Variants in CBFA2T2 observed in about 807,000 individuals in gnomAD.
CBFA2T2 encodes CBFA2/RUNX1 partner transcriptional co-repressor 2.
Under a neutral mutation model 62.2 loss-of-function variants are expected in CBFA2T2, and 11 were observed. The ratio of observed to expected loss-of-function variants is 0.18; its 90% CI spans 0.11 to 0.29. The LOEUF is 0.29. CBFA2T2 is among the 10% of genes least tolerant of loss of function. The probability of loss-of-function intolerance (pLI) is 1.00; values close to 1 mark genes in which losing one functional copy is unlikely to be tolerated. For missense variants in CBFA2T2, 592 were observed against 774.1 expected, an observed-to-expected ratio of 0.76 and a Z score of 2.79; for synonymous variants, 295 against 287.5, an observed-to-expected ratio of 1.03 and a Z score of -0.27.
At chr20:33,598,638 A>G (rs1192232026) in intron 1 of CBFA2T2, among the ~76,000 whole-genome samples, 1 of 152,210 alleles carries the variant, frequency 6.6e-6, no homozygotes, top group Non-Finnish European at 1.5e-5. Flanking sequence ...TCCTGAGGCG[A>G]TATACATCCT....
At chr20:33,619,692 G>T (rs989393032) in intron 4 of CBFA2T2, 86 bp downstream of exon 4, 4 of 932,482 alleles carry the variant, frequency 4.3e-6, no homozygotes, top group South Asian at 1.7e-5. Flanking sequence ...AATCAGAGCC[G>T]CTTGCCACGT....
intron 1 of CBFA2T2, among the ~76,000 whole-genome samples, chr20:33,568,634 C>T (rs962569173): frequency 3.3e-5 from 5 of 152,138 alleles, no homozygotes; most frequent in African/African-American, 1.2e-4. Context: ...TTCATCCGGC[C>T]TCGTCTGTTA....
chr20:33,511,478 C>T (rs1010118113), intron 1 of CBFA2T2, among the ~76,000 whole-genome samples: 37 of 152,014 alleles, frequency 2.4e-4, no homozygotes, highest in African/African-American at 8.9e-4. Context: ...GGCCTCTGTT[C>T]TGTTCCATTA....
chr20:33,512,528 T>A (rs530550757), intron 1 of CBFA2T2, among the ~76,000 whole-genome samples: 14 of 152,296 alleles, frequency 9.2e-5, no homozygotes, highest in African/African-American at 2.9e-4. Context: ...TAATGTGCAT[T>A]CTTCCATATC....
chr20:33,527,735 C>T (rs568801676), intron 1 of CBFA2T2, among the ~76,000 whole-genome samples: 3 of 151,422 alleles, frequency 2.0e-5, no homozygotes, highest in African/African-American at 4.8e-5. Flanking sequence ...GTAGAGACAG[C>T]GTTTTGCCTT....
chr20:33,635,749 A>C (rs1164254844), intron 8 of CBFA2T2, among the ~76,000 whole-genome samples: 1 of 152,122 alleles, frequency 6.6e-6, no homozygotes, highest in African/African-American at 2.4e-5. Context: ...ATGGTGGTAC[A>C]TGCCTAAAGT....
chr20:33,630,976 G>A (rs1478993160), intron 8 of CBFA2T2, among the ~76,000 whole-genome samples: 3 of 152,134 alleles, frequency 2.0e-5, no homozygotes, highest in Non-Finnish European at 4.4e-5. Flanking sequence ...ACAACAAGGC[G>A]TCAACACATA....
At position 33,490,182 on chromosome 20, in the gene CBFA2T2, C is replaced by G; in HGVS notation, c.-86C>G. 1.7e-6 allele frequency: 2 copies of G among 1,190,548 alleles called. No homozygotes were observed. The allele number at this position is 1,190,548 out of a possible 1,614,324, so 73.7% of individuals were successfully genotyped here. ...TCTCGCGGCGACGCCTGCGAGGGAC[C>G]CGGGCCGCGGGTCGAGGCGGGCGGC... On this transcript the variant is annotated 5_prime_UTR_variant, in exon 1 of 11. Transcript: ENST00000342704.
intron 1 of CBFA2T2, among the ~76,000 whole-genome samples, chr20:33,550,769 G>A (rs971669361): frequency 6.6e-6 from 1 of 152,018 alleles, no homozygotes; most frequent in Non-Finnish European, 1.5e-5. Context: ...TTACAGGTTC[G>A]TACCACCACA....
chr20:33,493,220 T>G (rs1166997914), intron 1 of CBFA2T2, among the ~76,000 whole-genome samples: 1 of 151,672 alleles, frequency 6.6e-6, no homozygotes, highest in African/African-American at 2.4e-5. Flanking sequence ...GTATTACAGG[T>G]GCGTGCCAAC....
At position 33,580,822 on chromosome 20, in the gene CBFA2T2, C is replaced by G. The variant is rs982911783; in HGVS notation, c.35-26134C>G. On this transcript the variant is annotated intron_variant, in intron 1 of 10. Coordinates refer to ENST00000342704, the MANE Select transcript of CBFA2T2 (RefSeq NM_001032999.3). ...TGAGCAGAGATCACACCACTGTATT[C>G]CAGCCTGGGTAATGGAATGAGCCCC... 2.6e-5 allele frequency among the ~76,000 whole-genome samples: 4 copies of G among 152,162 alleles called. No homozygotes were observed. The East Asian group carries it at 7.7e-4, about 29-fold the overall frequency.
At chr20:33,611,032 A>T (rs2015504267) in intron 2 of CBFA2T2, 62 bp from the exon 3 acceptor site, 1 of 1,590,540 alleles carries the variant, frequency 6.3e-7, no homozygotes, top group Non-Finnish European at 8.6e-7. Flanking sequence ...AACAAGAAAA[A>T]ATGAACAAAG....
At chr20:33,611,066 T>G (rs2122298164) in intron 2 of CBFA2T2, 28 bp from the exon 3 acceptor site, 1 of 1,612,160 alleles carries the variant, frequency 6.2e-7, no homozygotes. Context: ...ACACGTAACC[T>G]GAGTCTTTCA....
chr20:33,632,014 C>G (rs2016471611), intron 8 of CBFA2T2, among the ~76,000 whole-genome samples: 1 of 152,120 alleles, frequency 6.6e-6, no homozygotes, highest in Admixed American at 6.6e-5. Context: ...GAAAGTCTTA[C>G]TGTGAAATTA....
intron 1 of CBFA2T2, among the ~76,000 whole-genome samples, chr20:33,544,641 G>A (rs1401793339): frequency 1.3e-5 from 2 of 151,976 alleles, no homozygotes; most frequent in African/African-American, 2.4e-5. Context: ...TCCACCTCCT[G>A]GGTTCAAGCA....
In CBFA2T2 at chr20:33,550,587, A is replaced by T. The variant is rs557280237; in HGVS notation, c.35-56369A>T. Among the ~76,000 whole-genome samples, 22 of 151,968 alleles carry T rather than the reference A, an allele frequency of 1.4e-4. No individual in the cohort carries two copies. The South Asian group carries it at 4.4e-3, about 30-fold the overall frequency. On this transcript the variant is annotated intron_variant, in intron 1 of 10. Transcript: ENST00000342704. ...GGTACATTTGGTCAACAAATAACTC[A>T]AAGTCTGAAGTACTAATGTGGTTAT...
At chr20:33,530,552 G>A (rs986064068) in intron 1 of CBFA2T2, among the ~76,000 whole-genome samples, 2 of 151,922 alleles carry the variant, frequency 1.3e-5, no homozygotes, top group Non-Finnish European at 2.9e-5. Flanking sequence ...CAGGTAGCTG[G>A]GATTACAGCC....
chr20:33,580,172 A>T (rs2014047060), intron 1 of CBFA2T2, among the ~76,000 whole-genome samples: 2 of 152,170 alleles, frequency 1.3e-5, no homozygotes, highest in African/African-American at 4.8e-5. Flanking sequence ...AAAAACTTTT[A>T]CAAAATTGGG....
intron 6 of CBFA2T2, among the ~76,000 whole-genome samples, 192 bp from the exon 7 acceptor site, chr20:33,628,158 G>GT (rs879507695): frequency 2.0e-5 from 3 of 152,158 alleles, no homozygotes; most frequent in Non-Finnish European, 4.4e-5. Context: ...ATTTGTTGGA[G>GT]TTTTTTATAT....
Sources: gnomAD v4.1 joint callset for allele counts (sites outside exome capture counted in the v4.1 genomes callset) on GRCh38, gnomAD v4.1.1 for gene constraint, MANE v1.5 for transcripts, NCBI Gene and HGNC (gene_info 2026-07-23, HGNC 2026-07-21) for gene names.